PPARGC1A: variants seen among roughly 807,000 people sequenced by gnomAD.
The protein encoded by PPARGC1A is PPARG coactivator 1 alpha, also known as peroxisome proliferator-activated receptor gamma coactivator 1-alpha.
Under a neutral mutation model 88.7 loss-of-function variants are expected in PPARGC1A, and 25 were observed. That is an observed-to-expected ratio of 0.28 (90% confidence interval 0.21 to 0.39). The LOEUF (loss-of-function observed/expected upper bound fraction) is 0.39, where lower values mean the gene tolerates loss of function less well. Among genes scored for constraint, PPARGC1A ranks in the 10% least tolerant of loss-of-function variants. The probability of loss-of-function intolerance (pLI) is 1.00; values close to 1 mark genes in which losing one functional copy is unlikely to be tolerated. For synonymous variants in PPARGC1A, 363 were observed against 355.6 expected, an observed-to-expected ratio of 1.02 and a Z score of -0.24; for missense variants, 880 against 968.7, an observed-to-expected ratio of 0.91 and a Z score of 1.22.
the PPARGC1A span, among the ~76,000 whole-genome samples, chr4:24,252,793 C>T: frequency 5.3e-5 from 8 of 152,166 alleles, no homozygotes; most frequent in South Asian, 2.1e-4. Flanking sequence ...ATGTTATCAT[C>T]GTTTTGTAGG....
chr4:23,847,456 C>T (rs959606762), intron 2 of PPARGC1A, among the ~76,000 whole-genome samples: 2 of 152,084 alleles, frequency 1.3e-5, no homozygotes, highest in African/African-American at 4.8e-5. Context: ...GTCATGAAAT[C>T]TCTTTAGTGT....
At chr4:24,313,486 T>C in the PPARGC1A span, among the ~76,000 whole-genome samples, 5 of 152,232 alleles carry the variant, frequency 3.3e-5, no homozygotes, top group Non-Finnish European at 7.3e-5. Context: ...AGGCTTCACA[T>C]TGCGGTATAC....
chr4:24,100,834 G>A, the PPARGC1A span, among the ~76,000 whole-genome samples: 6 of 152,080 alleles, frequency 3.9e-5, no homozygotes, highest in South Asian at 8.3e-4. Context: ...GCATTATGAC[G>A]GGAACTGCAA....
At chr4:24,183,183 A>G in the PPARGC1A span, among the ~76,000 whole-genome samples, 1 of 152,206 alleles carries the variant, frequency 6.6e-6, no homozygotes, top group Non-Finnish European at 1.5e-5. Flanking sequence ...TAGCTGGTGC[A>G]ATAACACAAG....
At chr4:24,457,742 T>A in the PPARGC1A span, among the ~76,000 whole-genome samples, 32 of 151,708 alleles carry the variant, frequency 2.1e-4, no homozygotes, top group East Asian at 5.4e-3. Flanking sequence ...TTATTTATTT[T>A]TTAGTAGAGA....
the PPARGC1A span, among the ~76,000 whole-genome samples, chr4:24,038,534 C>T: frequency 1.3e-5 from 2 of 152,270 alleles, no homozygotes; most frequent in Non-Finnish European, 2.9e-5. Flanking sequence ...TGAATCCAGC[C>T]TGCAAATTCG....
chr4:24,423,817 A>G, the PPARGC1A span, among the ~76,000 whole-genome samples: 18 of 152,330 alleles, frequency 1.2e-4, no homozygotes, highest in Non-Finnish European at 2.2e-4. Context: ...GACCAGGGAA[A>G]AGTCAAACAC....
chr4:24,013,049 C>T, the PPARGC1A span, among the ~76,000 whole-genome samples: 2 of 152,114 alleles, frequency 1.3e-5, no homozygotes, highest in African/African-American at 2.4e-5. Context: ...TAACAGGTTG[C>T]TCCAGGGTGA....
chr4:23,822,643 A>T (rs2932977), intron 7 of PPARGC1A, among the ~76,000 whole-genome samples: 126,336 of 152,046 alleles, frequency 0.83, 52,646 homozygotes, highest in African/African-American at 0.88. Flanking sequence ...TGAAGATTTT[A>T]AGAGGAGATG....
At chr4:24,174,208 C>A in the PPARGC1A span, among the ~76,000 whole-genome samples, 2 of 152,124 alleles carry the variant, frequency 1.3e-5, no homozygotes, top group African/African-American at 4.8e-5. Flanking sequence ...CAGAATCAAT[C>A]CTGATTCAGC....
At chr4:23,806,650 A>T (rs370823449) in intron 10 of PPARGC1A, among the ~76,000 whole-genome samples, 12 of 152,310 alleles carry the variant, frequency 7.9e-5, no homozygotes, top group African/African-American at 2.9e-4. Flanking sequence ...AAAATTGAAG[A>T]CTTACATTGC....
chr4:24,327,633 T>C, the PPARGC1A span, among the ~76,000 whole-genome samples: 11 of 151,942 alleles, frequency 7.2e-5, no homozygotes, highest in East Asian at 1.9e-4. Context: ...CAATATCACC[T>C]CTTACCACAA....
the PPARGC1A span, among the ~76,000 whole-genome samples, chr4:24,113,322 G>T: frequency 2.7e-3 from 408 of 152,250 alleles, 4 homozygotes; most frequent in East Asian, 0.05. Context: ...GGATGGAAAT[G>T]GAAAGGATAG....
At chr4:23,999,955 C>T in the PPARGC1A span, among the ~76,000 whole-genome samples, 1 of 151,814 alleles carries the variant, frequency 6.6e-6, no homozygotes, top group African/African-American at 2.4e-5. Flanking sequence ...GAGGGAGGGT[C>T]GAGTTGATGA....
the PPARGC1A span, among the ~76,000 whole-genome samples, chr4:24,112,323 A>C: frequency 6.6e-6 from 1 of 152,196 alleles, no homozygotes; most frequent in African/African-American, 2.4e-5. Context: ...GGGAATGTGG[A>C]CCCAGACTTT....
chr4:23,890,227 AAAAAAG>A (rs1282225160), upstream of PPARGC1A: 11 of 492,296 alleles, frequency 2.2e-5, no homozygotes, highest in Non-Finnish European at 3.4e-5. Flanking sequence ...TAAAAAAAAA[AAAAAAG>A]AAAGAAAAAG....
At chr4:23,926,816 T>C in the PPARGC1A span, among the ~76,000 whole-genome samples, 1 of 152,220 alleles carries the variant, frequency 6.6e-6, no homozygotes, top group Admixed American at 6.5e-5. Context: ...GGTGTACTCA[T>C]CTACTACTGC....
At chr4:24,151,184 A>C in the PPARGC1A span, among the ~76,000 whole-genome samples, 3 of 152,196 alleles carry the variant, frequency 2.0e-5, no homozygotes, top group Admixed American at 6.5e-5. Flanking sequence ...AAGGACAAAA[A>C]CTGGGTACCT....
the PPARGC1A span, among the ~76,000 whole-genome samples, chr4:24,360,901 A>G: frequency 3.1e-3 from 474 of 152,360 alleles, 6 homozygotes; most frequent in African/African-American, 0.011. Flanking sequence ...AGCATCGAGT[A>G]CACAGTGTCT....
Sources: gnomAD v4.1 joint callset for allele counts (sites outside exome capture counted in the v4.1 genomes callset) on GRCh38, gnomAD v4.1.1 for gene constraint, MANE v1.5 for transcripts, NCBI Gene and HGNC (gene_info 2026-07-23, HGNC 2026-07-21) for gene names.